The following TRDN variants were observed in gnomAD, a reference collection of about 807,000 sequenced individuals.
TRDN encodes triadin in skeletal muscle.
TRDN carries 161 observed loss-of-function variants against 149.7 expected under a neutral mutation model. That is an observed-to-expected ratio of 1.08 (90% CI 0.95 to 1.23). The LOEUF (loss-of-function observed/expected upper bound fraction) is 1.23, where lower values mean the gene tolerates loss of function less well. Among genes scored for constraint, TRDN ranks in the 50% most tolerant of loss-of-function variants. The pLI is 0.00. For missense variants in TRDN, 896 were observed against 823.5 expected (o/e 1.09, Z -1.08); for synonymous variants, 294 against 250.5 (o/e 1.17, Z -1.64).
intron 18 of TRDN, 148 bp from the exon 19 acceptor site, chr6:123,375,779 T>G: frequency 5.4e-6 from 3 of 560,150 alleles, no homozygotes; most frequent in Non-Finnish European, 8.8e-6. Flanking sequence ...AAAAGGAAAA[T>G]ATAATACTGT....
chr6:123,623,958 G>A (rs1335087858), intron 1 of TRDN, among the ~76,000 whole-genome samples: 3 of 151,998 alleles, frequency 2.0e-5, no homozygotes, highest in Non-Finnish European at 4.4e-5. Flanking sequence ...CACAATTTTT[G>A]TATATAACTT....
chr6:123,507,739 T>C (rs1370063861), intron 7 of TRDN, among the ~76,000 whole-genome samples: 6 of 152,176 alleles, frequency 3.9e-5, no homozygotes, highest in Admixed American at 3.9e-4. Context: ...TTCATGACTT[T>C]TGTCAAATGG....
chr6:123,314,135 T>C (rs9388220), intron 24 of TRDN, among the ~76,000 whole-genome samples: 141,311 of 152,126 alleles, frequency 0.93, 65,690 homozygotes, highest in East Asian at 0.99. Context: ...CTATAAGGAA[T>C]TTAAACAAAT....
chr6:123,624,398 G>T (rs192533978), intron 1 of TRDN, among the ~76,000 whole-genome samples: 2 of 152,156 alleles, frequency 1.3e-5, no homozygotes, highest in Admixed American at 6.6e-5. Context: ...TAATTCAAGA[G>T]GTAGCCAAAA....
chr6:123,337,841 T>C (rs1158861172), intron 21 of TRDN, among the ~76,000 whole-genome samples, 172 bp from the exon 22 acceptor site: 24 of 152,110 alleles, frequency 1.6e-4, no homozygotes, highest in Admixed American at 1.5e-3. Context: ...GGACTAAATA[T>C]GTAAACAATA....
In TRDN at chr6:123,423,457, G is replaced by A. The variant is rs139814669; in HGVS notation, c.1051+14606C>T. On this transcript the variant is annotated intron_variant, in intron 12 of 40. Coordinates refer to ENST00000334268, the MANE Select transcript of TRDN (RefSeq NM_006073.4). ...AGTTATTTTCCTCCTATAAGAAGTC[G>A]TGCAGCAAGGTGAGTTATATCAAAC... 9.2e-5 allele frequency among the ~76,000 whole-genome samples: 14 copies of A among 152,120 alleles called. No individual in the cohort carries two copies. The East Asian group carries it at 1.2e-3, about 13-fold the overall frequency.
At chr6:123,307,023 G>A (rs1778635862) in intron 24 of TRDN, among the ~76,000 whole-genome samples, 1 of 152,082 alleles carries the variant, frequency 6.6e-6, no homozygotes, top group African/African-American at 2.4e-5. Flanking sequence ...CTGGTTAAAT[G>A]ATTTAGCTTT....
At chr6:123,295,236 C>G (rs1052039931) in intron 24 of TRDN, among the ~76,000 whole-genome samples, 2 of 152,176 alleles carry the variant, frequency 1.3e-5, no homozygotes, top group African/African-American at 4.8e-5. Flanking sequence ...CTAGAAATGT[C>G]TGCATAGACT....
chr6:123,328,985 G>T (rs1779569054), intron 23 of TRDN, among the ~76,000 whole-genome samples: 1 of 151,962 alleles, frequency 6.6e-6, no homozygotes. Flanking sequence ...ATATGGTTAC[G>T]GCTTTTAAAA....
At chr6:123,329,556 G>C (rs1345714383) in intron 23 of TRDN, among the ~76,000 whole-genome samples, 1 of 152,066 alleles carries the variant, frequency 6.6e-6, no homozygotes, top group Non-Finnish European at 1.5e-5. Context: ...GAAAGTTAAA[G>C]TCACTTTGCA....
intron 1 of TRDN, among the ~76,000 whole-genome samples, chr6:123,585,527 C>A (rs1248162875): frequency 1.3e-5 from 2 of 152,148 alleles, no homozygotes. Context: ...GTCTAGGGGG[C>A]TTCCGAGGCG....
At chr6:123,548,405 TA>T (rs777816656) in intron 3 of TRDN, 48 bp downstream of exon 3, 5 of 1,363,980 alleles carry the variant, frequency 3.7e-6, no homozygotes, top group Non-Finnish European at 3.8e-6. Context: ...CTATAATACA[TA>T]TTTAATGTTG....
At chr6:123,466,916 CT>C (rs536060828) in intron 9 of TRDN, among the ~76,000 whole-genome samples, 1 of 151,724 alleles carries the variant, frequency 6.6e-6, no homozygotes, top group Non-Finnish European at 1.5e-5. Flanking sequence ...TAATTATAGT[CT>C]TTTATAGTCT....
intron 24 of TRDN, among the ~76,000 whole-genome samples, chr6:123,305,326 G>A (rs1778567021): frequency 6.6e-6 from 1 of 152,026 alleles, no homozygotes; most frequent in African/African-American, 2.4e-5. Context: ...TTAAAAACAT[G>A]TTTACAAAGA....
chr6:123,294,050 A>G lies in TRDN; in HGVS notation c.1511-14968T>C, dbSNP rs948168413. Among the ~76,000 whole-genome samples the G allele has an allele frequency of 3.9e-5, 6 of 152,310 alleles. No individual in the cohort carries two copies. In the East Asian group the frequency reaches 1.2e-3, roughly 29 times the overall value. ...GCTACCAACACAGGTCAGGCATTAAAGGGAATTCAAGTGTCCTTAGACCAT... is the reference window on the plus strand; with the variant it reads ...GCTACCAACACAGGTCAGGCATTAAGGGGAATTCAAGTGTCCTTAGACCAT... On this transcript the variant is annotated intron_variant, in intron 24 of 40. Coordinates refer to ENST00000334268, the MANE Select transcript of TRDN (RefSeq NM_006073.4).
chr6:123,400,644 T>G (rs188662808), intron 12 of TRDN, among the ~76,000 whole-genome samples: 22 of 152,244 alleles, frequency 1.4e-4, no homozygotes, highest in African/African-American at 5.3e-4. Flanking sequence ...GTACCAGGGT[T>G]TGGGGACCCG....
intron 24 of TRDN, among the ~76,000 whole-genome samples, chr6:123,303,757 T>G (rs1406561293): frequency 6.6e-6 from 1 of 152,160 alleles, no homozygotes; most frequent in African/African-American, 2.4e-5. Context: ...GAGGGCAGTA[T>G]GACAATGAAT....
chr6:123,553,694 T>G (rs942459646), intron 2 of TRDN, among the ~76,000 whole-genome samples: 1 of 152,140 alleles, frequency 6.6e-6, no homozygotes, highest in African/African-American at 2.4e-5. Context: ...TCTTACATGG[T>G]GGCCAGCAAA....
intron 24 of TRDN, among the ~76,000 whole-genome samples, chr6:123,312,845 T>C (rs1266466935): frequency 3.9e-5 from 6 of 152,004 alleles, no homozygotes; most frequent in Admixed American, 3.9e-4. Context: ...GATTACACTC[T>C]TTGAGAATGG....
Sources: allele counts gnomAD v4.1 joint callset (sites outside exome capture counted in the v4.1 genomes callset), GRCh38; gene constraint gnomAD v4.1.1; transcripts MANE v1.5; gene names NCBI Gene and HGNC (gene_info 2026-07-23, HGNC 2026-07-21).